Variants in COG5 observed in about 807,000 individuals in gnomAD.
The protein encoded by COG5 is component of oligomeric golgi complex 5.
Under a neutral mutation model 110.4 loss-of-function variants are expected in COG5, and 86 were observed. The ratio of observed to expected loss-of-function variants is 0.78; its 90% CI spans 0.65 to 0.93. COG5 has a LOEUF of 0.93. Ranked by LOEUF, COG5 falls within the 40% of genes least tolerant of loss-of-function variation. The pLI, the probability that COG5 is intolerant of heterozygous loss-of-function variation, is 0.00. For missense variants in COG5, 1,077 were observed against 987.0 expected (o/e 1.09, Z -1.22); for synonymous variants, 360 against 334.6 (o/e 1.08, Z -0.83).
In COG5 at chr7:107,201,849, A is replaced by ATTT. The variant is rs1798342516; in HGVS notation, c.*1666_*1667insAAA. 2 of 155,090 alleles carry ATTT rather than the reference A, an allele frequency of 1.3e-5. No individual in the cohort carries two copies. The highest frequency in any genetic ancestry group is 2.9e-5 in the Non-Finnish European group (2 of 69,804). 9.6% of individuals were successfully genotyped at this position (155,090 alleles called of 1,614,324 possible). A position where few individuals can be genotyped will look rare whatever the true frequency, so the allele number is the denominator to read the frequency against. On this transcript the variant is annotated 3_prime_UTR_variant, in exon 22 of 22. Coordinates refer to ENST00000297135, the MANE Select transcript of COG5 (RefSeq NM_006348.5). Reference sequence around the variant, plus strand: ...TACTGCTTATTAATCTGTATTGTACACATGATGAAATGAAGCAGAAGCTGG... The same window carrying ATTT: ...TACTGCTTATTAATCTGTATTGTACATTTCATGATGAAATGAAGCAGAAGCTGG...
At chr7:107,433,427 A>G (rs1794157999) in intron 6 of COG5, among the ~76,000 whole-genome samples, 1 of 152,210 alleles carries the variant, frequency 6.6e-6, no homozygotes, top group African/African-American at 2.4e-5. Context: ...TGGCTTCAAA[A>G]CATATTACAA....
intron 11 of COG5, among the ~76,000 whole-genome samples, chr7:107,315,965 G>A (rs143826327): frequency 0.011 from 1,726 of 152,222 alleles, 10 homozygotes; most frequent in Non-Finnish European, 0.017. Context: ...AGACAGATAG[G>A]TCCCATAAGA....
chr7:107,264,748 T>C (rs554825009), intron 14 of COG5, among the ~76,000 whole-genome samples: 1 of 151,728 alleles, frequency 6.6e-6, no homozygotes, highest in East Asian at 1.9e-4. Flanking sequence ...AAGAAAATAA[T>C]AGAGAAAAGT....
chr7:107,477,156 AAATAC>A (rs1375544424), intron 6 of COG5, among the ~76,000 whole-genome samples: 4 of 151,700 alleles, frequency 2.6e-5, no homozygotes, highest in African/African-American at 9.7e-5. Context: ...TTCGTTTAGT[AAATAC>A]ATTTGGCACA....
chr7:107,447,176 G>A (rs1795056929), intron 6 of COG5, among the ~76,000 whole-genome samples: 1 of 152,068 alleles, frequency 6.6e-6, no homozygotes, highest in African/African-American at 2.4e-5. Flanking sequence ...ACATTCCTTG[G>A]CTCATAGCTC....
chr7:107,220,225 T>C (rs1273183522), intron 19 of COG5, among the ~76,000 whole-genome samples: 2 of 152,196 alleles, frequency 1.3e-5, no homozygotes, highest in Non-Finnish European at 2.9e-5. Context: ...AAGCACAATT[T>C]TGAACTGTCA....
chr7:107,435,652 A>G (rs1794324164), intron 6 of COG5, among the ~76,000 whole-genome samples: 2 of 152,206 alleles, frequency 1.3e-5, no homozygotes, highest in East Asian at 3.9e-4. Flanking sequence ...TTGTCCCAGA[A>G]AAAAAAAGAA....
At chr7:107,530,663 C>G (rs1227852115) in intron 5 of COG5, among the ~76,000 whole-genome samples, 1 of 141,500 alleles carries the variant, frequency 7.1e-6, no homozygotes. Context: ...TTTTAGTAAA[C>G]TTTAATGGCT....
chr7:107,399,411 G>C (rs1791262463), intron 7 of COG5, among the ~76,000 whole-genome samples: 1 of 152,040 alleles, frequency 6.6e-6, no homozygotes, highest in Admixed American at 6.6e-5. Flanking sequence ...ATTGGATCAT[G>C]GGGGTGGTTT....
intron 12 of COG5, among the ~76,000 whole-genome samples, chr7:107,295,349 C>T (rs1209603858): frequency 1.3e-5 from 2 of 151,702 alleles, no homozygotes; most frequent in African/African-American, 4.8e-5. Flanking sequence ...TCAAATGTTA[C>T]CTCCTCATAG....
chr7:107,298,762 T>A (rs943584776), intron 11 of COG5, among the ~76,000 whole-genome samples: 10 of 152,198 alleles, frequency 6.6e-5, no homozygotes, highest in African/African-American at 2.4e-4. Flanking sequence ...ATGGAATATT[T>A]ACCAAGATCA....
intron 6 of COG5, among the ~76,000 whole-genome samples, chr7:107,509,213 T>G (rs1299748478): frequency 2.0e-5 from 3 of 151,792 alleles, no homozygotes; most frequent in Non-Finnish European, 4.4e-5. Context: ...GGAGCTGAGG[T>G]AGCTGAAAGC....
rs573526200 is a variant in COG5 at position 107,469,511 on chromosome 7, C to T, written c.539-56879G>A. Among the ~76,000 whole-genome samples the T allele has an allele frequency of 2.9e-4, 44 of 152,136 alleles. 2 individuals are homozygous for T. The South Asian group carries it at 9.1e-3, about 32-fold the overall frequency. ...TGAATGAATGAAATGAATGAATACC[C>T]AAATGAATGAATACTGAAGTCATGA... On this transcript the variant is annotated intron_variant, in intron 6 of 21. Transcript: ENST00000297135.
chr7:107,454,069 T>C (rs1463136860), intron 6 of COG5, among the ~76,000 whole-genome samples: 1 of 152,110 alleles, frequency 6.6e-6, no homozygotes, highest in Non-Finnish European at 1.5e-5. Flanking sequence ...TCAAAACTAA[T>C]TCAATATGAC....
chr7:107,314,543 G>A (rs1808555624), intron 11 of COG5, among the ~76,000 whole-genome samples: 1 of 138,402 alleles, frequency 7.2e-6, no homozygotes, highest in African/African-American at 2.8e-5. Flanking sequence ...GGAGATAAGA[G>A]ACCATCCTGG....
intron 18 of COG5, among the ~76,000 whole-genome samples, chr7:107,233,256 G>C (rs1800909295): frequency 6.6e-6 from 1 of 152,214 alleles, no homozygotes; most frequent in Non-Finnish European, 1.5e-5. Flanking sequence ...ATCCCAGTGA[G>C]ATTCAGAATC....
Position 107,563,804 on chromosome 7 carries a change from G to A in COG5, c.93C>T (p.Asp31=). Residue 31 remains aspartate, a splice_region_variant and synonymous_variant, in exon 1 of 22, where the codon GAC becomes GAT. Transcript: ENST00000297135. ...CCTGGTCAGACCCCGTCTCCTTACC[G>A]TCCTGCAGAAGTTCCCGGACTGTAG... ...AAATVRELLQ[D]GCYSDFLNED... 6.2e-7 allele frequency: 1 copy of A among 1,613,882 alleles called. No homozygotes were observed. The highest frequency in any genetic ancestry group is 8.5e-7 in the Non-Finnish European group (1 of 1,179,872).
intron 6 of COG5, chr7:107,471,374 C>T (rs1796623148): frequency 6.6e-6 from 1 of 151,960 alleles, no homozygotes; most frequent in Admixed American, 6.6e-5. Context: ...TTCACAAGGG[C>T]CAATAGCAGC....
At position 107,260,687 on chromosome 7, in the gene COG5, C is replaced by G. The variant is rs191068002; in HGVS notation, c.1576-2304G>C. 3.3e-3 allele frequency among the ~76,000 whole-genome samples: 494 copies of G among 151,702 alleles called. 2 individuals are homozygous for G. Among genetic ancestry groups the G allele is most frequent in the South Asian group, 0.011 (51 of 4,800 alleles). On this transcript the variant is annotated intron_variant, in intron 14 of 21. Coordinates refer to ENST00000297135, the MANE Select transcript of COG5 (RefSeq NM_006348.5). ...ACTTAAGTTCAAAAGACCTACAAAGCTACATAAAAAAAATTATAGTTTTGG... is the reference window on the plus strand; with the variant it reads ...ACTTAAGTTCAAAAGACCTACAAAGGTACATAAAAAAAATTATAGTTTTGG...
Sources: allele counts gnomAD v4.1 joint callset (sites outside exome capture counted in the v4.1 genomes callset), GRCh38; gene constraint gnomAD v4.1.1; transcripts MANE v1.5; gene names NCBI Gene and HGNC (gene_info 2026-07-23, HGNC 2026-07-21).